The following TMEM117 variants were observed in gnomAD, a reference collection of about 807,000 sequenced individuals.
TMEM117 encodes the protein transmembrane protein 117.
TMEM117 carries 27 observed loss-of-function variants against 52.4 expected under a neutral mutation model. That is an observed-to-expected ratio of 0.51 (90% CI 0.38 to 0.71). The LOEUF is 0.71. Ranked by LOEUF, TMEM117 falls within the 30% of genes least tolerant of loss-of-function variation. TMEM117 has a pLI of 0.00. For synonymous variants in TMEM117, 215 were observed against 206.3 expected (o/e 1.04, Z -0.36); for missense variants, 556 against 630.5 (o/e 0.88, Z 1.26).
intron 3 of TMEM117, among the ~76,000 whole-genome samples, chr12:44,075,533 T>C (rs540281213): frequency 9.8e-5 from 15 of 152,354 alleles, no homozygotes; most frequent in African/African-American, 3.4e-4. Flanking sequence ...TTCTGTTTCT[T>C]AGCCTTAGAT....
At chr12:44,255,282 C>G (rs112135861) in intron 5 of TMEM117, among the ~76,000 whole-genome samples, 3 of 151,904 alleles carry the variant, frequency 2.0e-5, no homozygotes, top group African/African-American at 7.2e-5. Flanking sequence ...AACAAATTTA[C>G]AAGAAAAAAA....
intron 3 of TMEM117, among the ~76,000 whole-genome samples, chr12:44,101,272 A>G (rs1274097661): frequency 1.3e-5 from 2 of 151,888 alleles, no homozygotes; most frequent in Non-Finnish European, 2.9e-5. Context: ...AACCTAATCA[A>G]CATCTTAGGT....
chr12:43,825,201 T>A, the TMEM117 span, among the ~76,000 whole-genome samples: 22 of 152,268 alleles, frequency 1.4e-4, no homozygotes, highest in Non-Finnish European at 2.2e-4. Context: ...AGTATGAGGA[T>A]CAAAGAAAAT....
At chr12:44,148,179 T>C (rs1948672150) in intron 4 of TMEM117, among the ~76,000 whole-genome samples, 1 of 152,222 alleles carries the variant, frequency 6.6e-6, no homozygotes, top group Non-Finnish European at 1.5e-5. Context: ...AAAGTCAGTT[T>C]AGTTGTTTGC....
chr12:44,340,415 G>A lies in TMEM117; in HGVS notation c.769-36180G>A, dbSNP rs189683109. Among the ~76,000 whole-genome samples, 333 of 152,170 alleles carry A rather than the reference G, an allele frequency of 2.2e-3. 3 individuals are homozygous for A. The highest frequency in any genetic ancestry group is 7.6e-3 in the African/African-American group (316 of 41,542). On this transcript the variant is annotated intron_variant, in intron 6 of 7. Coordinates refer to ENST00000266534, the MANE Select transcript of TMEM117 (RefSeq NM_032256.3). ...TCAAATCTAAAGGCCACAGGATTGC[G>A]TTTATAAACACTGTGATTTGGCTAT...
intron 5 of TMEM117, among the ~76,000 whole-genome samples, chr12:44,261,152 G>A (rs140290334): frequency 0.012 from 1,751 of 152,014 alleles, 23 homozygotes; most frequent in South Asian, 0.052. Flanking sequence ...AATCAATAAT[G>A]TCTATAAAAC....
chr12:44,027,170 T>TTTTATTTTATTTTATTTTATTTTA (rs1565797927), intron 3 of TMEM117, among the ~76,000 whole-genome samples: 10 of 135,600 alleles, frequency 7.4e-5, no homozygotes, highest in African/African-American at 2.9e-4. Context: ...TTTTATTTTA[T>TTTTATTTTATTTTATTTTATTTTA]TTTATTTTAT....
chr12:43,799,257 A>C, the TMEM117 span: 1 of 481,806 alleles, frequency 2.1e-6, no homozygotes, highest in Non-Finnish European at 3.6e-6. Context: ...TTAAGCACAT[A>C]GCCTTATCTC....
Position 44,190,959 on chromosome 12 carries a change from A to G in TMEM117, c.511-20331A>G, listed in dbSNP as rs113267360. On this transcript the variant is annotated intron_variant, in intron 4 of 7. Transcript: ENST00000266534. ...TATATATAGTAGTCTATGCTAATAT[A>G]TATTATATATATATATTAGTCTATT... is the stretch of plus-strand genomic sequence containing the variant. 9.5e-3 allele frequency among the ~76,000 whole-genome samples: 1,389 copies of G among 146,384 alleles called. 24 individuals carry two copies. Among genetic ancestry groups the G allele is most frequent in the African/African-American group, 0.032 (1,294 of 40,472 alleles).
Position 44,265,480 on chromosome 12 carries a change from G to T in TMEM117, c.609-34100G>T, listed in dbSNP as rs541542530. On this transcript the variant is annotated intron_variant, in intron 5 of 7. Transcript: ENST00000266534. ...TAAAAGCAGTAATTCCAGTTAGAAG[G>T]CTATGTCAGTGGTTTGGGTGAGAGA... Among the ~76,000 whole-genome samples, 6 of 152,276 alleles carry T rather than the reference G, an allele frequency of 3.9e-5. No individual in the cohort carries two copies. In the South Asian group the frequency reaches 1.2e-3, roughly 32 times the overall value.
chr12:44,268,744 A>G (rs1177691699), intron 5 of TMEM117, among the ~76,000 whole-genome samples: 1 of 152,102 alleles, frequency 6.6e-6, no homozygotes, highest in Non-Finnish European at 1.5e-5. Context: ...TTTCCTTGAA[A>G]TCTAATAAGT....
chr12:44,300,064 A>G (rs868504250), intron 6 of TMEM117, among the ~76,000 whole-genome samples: 1 of 152,218 alleles, frequency 6.6e-6, no homozygotes, highest in African/African-American at 2.4e-5. Flanking sequence ...CTTGTCATTT[A>G]GTAAATGGAA....
intron 5 of TMEM117, among the ~76,000 whole-genome samples, chr12:44,219,050 A>G (rs1429868890): frequency 6.6e-6 from 1 of 152,198 alleles, no homozygotes; most frequent in African/African-American, 2.4e-5. Flanking sequence ...CAACAAATGT[A>G]TTTACTATAA....
chr12:43,925,936 G>A (rs755002409), intron 2 of TMEM117, among the ~76,000 whole-genome samples: 5 of 152,124 alleles, frequency 3.3e-5, no homozygotes, highest in Admixed American at 1.3e-4. Flanking sequence ...GCCAGTCTGG[G>A]TCCCAGCTTT....
chr12:44,258,622 G>C (rs555073165), intron 5 of TMEM117, among the ~76,000 whole-genome samples: 1 of 152,082 alleles, frequency 6.6e-6, no homozygotes, highest in East Asian at 1.9e-4. Context: ...AATAATTAAA[G>C]ATTGGTTCAA....
At chr12:44,274,076 C>CA (rs1300534434) in intron 5 of TMEM117, among the ~76,000 whole-genome samples, 1 of 151,878 alleles carries the variant, frequency 6.6e-6, no homozygotes, top group Non-Finnish European at 1.5e-5. Context: ...AAAGACTCCA[C>CA]AAAAAAACTA....
At chr12:43,968,284 G>A (rs950772471) in intron 3 of TMEM117, among the ~76,000 whole-genome samples, 1 of 152,146 alleles carries the variant, frequency 6.6e-6, no homozygotes, top group African/African-American at 2.4e-5. Context: ...AATTTTAGCC[G>A]GCTTTCTTTT....
intron 5 of TMEM117, among the ~76,000 whole-genome samples, chr12:44,253,018 A>G (rs1950214587): frequency 6.6e-6 from 1 of 152,188 alleles, no homozygotes; most frequent in East Asian, 1.9e-4. Flanking sequence ...GAAAAAAGCA[A>G]CCCTCTAACT....
intron 3 of TMEM117, among the ~76,000 whole-genome samples, chr12:44,072,110 C>T (rs1248641723): frequency 1.3e-5 from 2 of 152,136 alleles, no homozygotes. Flanking sequence ...AACAAGTTAT[C>T]TCCAATGGAG....
Sources: allele counts gnomAD v4.1 joint callset (sites outside exome capture counted in the v4.1 genomes callset), GRCh38; gene constraint gnomAD v4.1.1; transcripts MANE v1.5; gene names NCBI Gene and HGNC (gene_info 2026-07-23, HGNC 2026-07-21).